The following ZNF267 variants were observed in gnomAD, a reference collection of about 807,000 sequenced individuals.
ZNF267 encodes zinc finger (C2H2).
ZNF267 carries 61 observed loss-of-function variants against 71.6 expected under a neutral mutation model. That is an observed-to-expected ratio of 0.85 (90% CI 0.69 to 1.05). The LOEUF (loss-of-function observed/expected upper bound fraction) is 1.05. Ranked by LOEUF, ZNF267 falls within the 50% of genes least tolerant of loss-of-function variation. The pLI, the probability that ZNF267 is intolerant of heterozygous loss-of-function variation, is 0.00. For synonymous variants in ZNF267, 288 were observed against 293.2 expected (o/e 0.98, Z 0.18); for missense variants, 852 against 870.0 (o/e 0.98, Z 0.26).
At chr16:31,875,385 G>GA in intron 1 of ZNF267, 1 of 1,170,748 alleles carries the variant, frequency 8.5e-7, no homozygotes, top group Non-Finnish European at 1.1e-6. Flanking sequence ...AACCTAAAAA[G>GA]ATAACCCCTT....
chr16:31,899,695 G>A (rs1021735708), intron 3 of ZNF267, among the ~76,000 whole-genome samples: 1 of 152,126 alleles, frequency 6.6e-6, no homozygotes, highest in Non-Finnish European at 1.5e-5. Flanking sequence ...CCTAACTGTG[G>A]TGTTTAGGAA....
chr16:31,916,038 A>T lies in ZNF267; in HGVS notation c.1789A>T (p.Thr597Ser). ...CTCAGGTCTTACTGTGCATCGGCGA[A>T]CTCATACTGGAGAGAAACCCTATAC... is the stretch of plus-strand genomic sequence containing the variant. Reference protein sequence around the residue: ...DSSGLTVHRRTHTGEKPYTCK... With the variant: ...DSSGLTVHRRSHTGEKPYTCK... Residue 597 changes from threonine (T) to serine (S), a missense_variant, in exon 4 of 4, where the codon ACT (threonine) becomes TCT (serine). Coordinates refer to ENST00000300870, the MANE Select transcript of ZNF267 (RefSeq NM_003414.6). 1 of 1,614,000 alleles carries T rather than the reference A, an allele frequency of 6.2e-7. No homozygotes were observed. The highest frequency in any genetic ancestry group is 8.5e-7 in the Non-Finnish European group (1 of 1,180,004).
At chr16:31,887,557 G>A (rs2083932412) in intron 3 of ZNF267, among the ~76,000 whole-genome samples, 1 of 152,184 alleles carries the variant, frequency 6.6e-6, no homozygotes, top group South Asian at 2.1e-4. Flanking sequence ...ATTCTTTTGA[G>A]TTAATTTTTG....
At chr16:31,910,164 C>T (rs758409137) in intron 3 of ZNF267, among the ~76,000 whole-genome samples, 15 of 148,332 alleles carry the variant, frequency 1.0e-4, no homozygotes, top group African/African-American at 3.7e-4. Context: ...TTTGCTAACA[C>T]TTTGTTATTT....
intron 3 of ZNF267, among the ~76,000 whole-genome samples, chr16:31,897,559 C>T (rs947664963): frequency 1.6e-4 from 25 of 151,702 alleles, no homozygotes; most frequent in African/African-American, 4.8e-4. Context: ...TTTTTCCCCC[C>T]AAGATTGTTT....
At chr16:31,911,722 TCTC>T (rs2084136946) in intron 3 of ZNF267, 2 of 151,472 alleles carry the variant, frequency 1.3e-5, no homozygotes, top group African/African-American at 4.9e-5. Flanking sequence ...TTTTGCATCT[TCTC>T]TTTCTTTTGT....
intron 1 of ZNF267, 139 bp downstream of exon 1, chr16:31,874,108 G>A (rs2083834676): frequency 1.5e-5 from 14 of 935,662 alleles, no homozygotes; most frequent in Non-Finnish European, 2.3e-5. Flanking sequence ...GTGCAGCTCG[G>A]CCCTCGGTCC....
intron 1 of ZNF267, among the ~76,000 whole-genome samples, chr16:31,881,724 A>G (rs566221489): frequency 1.4e-5 from 2 of 148,000 alleles, no homozygotes; most frequent in African/African-American, 5.0e-5. Flanking sequence ...CTAGGCTGGA[A>G]TAGTGTCATC....
At chr16:31,882,679 TG>T (rs1040453588) in intron 1 of ZNF267, among the ~76,000 whole-genome samples, 1 of 152,196 alleles carries the variant, frequency 6.6e-6, no homozygotes, top group Non-Finnish European at 1.5e-5. Context: ...CCCCACAGAT[TG>T]TTTTTTTATG....
At chr16:31,881,069 A>G (rs1389883095) in intron 1 of ZNF267, among the ~76,000 whole-genome samples, 2 of 152,132 alleles carry the variant, frequency 1.3e-5, no homozygotes, top group Non-Finnish European at 2.9e-5. Flanking sequence ...AGTTGTTATT[A>G]TAATTATTAT....
Position 31,885,188 on chromosome 16 carries a change from T to A in ZNF267, c.158T>A (p.Ile53Asn). 1 of 1,611,560 alleles carries A rather than the reference T, an allele frequency of 6.2e-7. No individual in the cohort carries two copies. The highest frequency in any genetic ancestry group is 8.5e-7 in the Non-Finnish European group (1 of 1,179,262). ...CTTGTTGTCTCTAAGCCGGACCTGA[T>A]CACCTTTTTGGAACAAAGGAAAGAG... is the stretch of plus-strand genomic sequence containing the variant. ...LGLVVSKPDLITFLEQRKEPW... is the reference protein window; with the variant it reads ...LGLVVSKPDLNTFLEQRKEPW... The change falls in exon 3 of 4, where the codon ATC becomes AAC. Residue 53 changes from isoleucine (I) to asparagine (N), a missense_variant. Ile to Asn is a moderately radical substitution (Grantham distance 149). Coordinates refer to ENST00000300870, the MANE Select transcript of ZNF267 (RefSeq NM_003414.6).
chr16:31,886,157 GA>G (rs2083922854), intron 3 of ZNF267, among the ~76,000 whole-genome samples: 1 of 151,934 alleles, frequency 6.6e-6, no homozygotes. Context: ...GTTACATCTT[GA>G]TGATTTGATA....
chr16:31,900,013 TACAC>T lies in ZNF267; in HGVS notation c.227-14455_227-14452del, dbSNP rs987727053. Among the ~76,000 whole-genome samples the T allele has an allele frequency of 7.3e-5, 11 of 150,476 alleles. No homozygotes were observed. In the East Asian group the frequency reaches 1.9e-3, roughly 26 times the overall value. On this transcript the variant is annotated intron_variant, in intron 3 of 3. Transcript: ENST00000300870. ...ATATATATATACACACACACACACA[TACAC>T]ACACACAATGTGTTTATTTATATAT...
In ZNF267 at chr16:31,916,355, C is replaced by T. The variant is rs2084177723; in HGVS notation, c.2106C>T (p.Tyr702=). Residue 702 remains tyrosine, a synonymous_variant, in exon 4 of 4, where the codon TAC becomes TAT. Coordinates refer to ENST00000300870, the MANE Select transcript of ZNF267 (RefSeq NM_003414.6). ...ECGKAFSYRS[Y]LTTHRRSHSG... ...GTAAAGCCTTCAGCTATAGGTCATACCTCACTACACATCGGAGAAGTCATA... is the reference window on the plus strand; with the variant it reads ...GTAAAGCCTTCAGCTATAGGTCATATCTCACTACACATCGGAGAAGTCATA... The T allele has an allele frequency of 6.2e-7, 1 of 1,613,650 alleles. No individual in the cohort carries two copies.
intron 3 of ZNF267, among the ~76,000 whole-genome samples, chr16:31,909,120 C>CTTTTTTTTTTTTTTTTTTTT (rs34409182): frequency 3.1e-4 from 14 of 45,332 alleles, no homozygotes; most frequent in African/African-American, 6.0e-4. Context: ...CTTTTCTTTT[C>CTTTTTTTTTTTTTTTTTTTT]TTTTTTTTTT....
intron 3 of ZNF267, among the ~76,000 whole-genome samples, chr16:31,885,477 C>T: frequency 6.6e-6 from 1 of 152,220 alleles, no homozygotes; most frequent in East Asian, 1.9e-4. Context: ...CCATCATATT[C>T]ACAGTGACAG....
At chr16:31,876,417 G>T (rs1304102600) in intron 1 of ZNF267, among the ~76,000 whole-genome samples, 1 of 152,118 alleles carries the variant, frequency 6.6e-6, no homozygotes, top group Admixed American at 6.5e-5. Flanking sequence ...GGGTCTCACT[G>T]TGTTGCCCCC....
Position 31,915,296 on chromosome 16 carries a change from C to A in ZNF267, c.1047C>A (p.Pro349=), listed in dbSNP as rs926320821. ...AGATCATTCCTACCGAAGAGAAACC[C>A]TGTAAATGGAAAGAATGTGGCAAGG... ...QHQIIPTEEK[P]CKWKECGKVF... The change falls in exon 4 of 4, where the codon CCC becomes CCA. Residue 349 remains proline, a synonymous_variant. Transcript: ENST00000300870. The A allele has an allele frequency of 1.9e-6, 3 of 1,613,770 alleles. No individual in the cohort carries two copies. The highest frequency in any genetic ancestry group is 2.5e-6 in the Non-Finnish European group (3 of 1,179,810).
intron 3 of ZNF267, among the ~76,000 whole-genome samples, chr16:31,889,035 C>G (rs1360614756): frequency 6.6e-6 from 1 of 151,682 alleles, no homozygotes; most frequent in African/African-American, 2.4e-5. Flanking sequence ...GGTGTTCTTT[C>G]TAAGAATCAA....
Sources: allele counts gnomAD v4.1 joint callset (sites outside exome capture counted in the v4.1 genomes callset), GRCh38; gene constraint gnomAD v4.1.1; transcripts MANE v1.5; gene names NCBI Gene and HGNC (gene_info 2026-07-23, HGNC 2026-07-21).